UPP2: variants seen among roughly 807,000 people sequenced by gnomAD.
UPP2 encodes the protein uridine phosphorylase 2.
A neutral mutation model predicts 26.7 loss-of-function variants in UPP2; 23 were observed. The observed-to-expected ratio is 0.86, with a 90% CI of 0.62 to 1.22. The LOEUF is 1.22. Ranked by LOEUF, UPP2 falls within the 50% of genes most tolerant of loss-of-function variation. The probability of loss-of-function intolerance (pLI) is 0.00; values close to 1 mark genes in which losing one functional copy is unlikely to be tolerated. For missense variants in UPP2, 387 were observed against 396.7 expected (o/e 0.98, Z 0.21); for synonymous variants, 127 against 141.3 (o/e 0.90, Z 0.72).
intron 3 of UPP2, among the ~76,000 whole-genome samples, chr2:158,079,938 C>T (rs986353363): frequency 6.6e-6 from 1 of 152,176 alleles, no homozygotes; most frequent in African/African-American, 2.4e-5. Flanking sequence ...CCAAGCCATT[C>T]AGCGTAATCA....
At chr2:158,093,271 TAC>T (rs57028617) in intron 3 of UPP2, among the ~76,000 whole-genome samples, 33,849 of 137,210 alleles carry the variant, frequency 0.25, 4,565 homozygotes, top group East Asian at 0.45. Flanking sequence ...AAAAGAAACA[TAC>T]ACACACACAC....
chr2:158,128,178 T>G, intron 6 of UPP2: 1 of 229,674 alleles, frequency 4.4e-6, no homozygotes, highest in Non-Finnish European at 7.2e-6. Context: ...TTTGCAGCAC[T>G]CACAGTGGCT....
chr2:158,018,675 G>A (rs1683698450), intron 3 of UPP2, among the ~76,000 whole-genome samples: 1 of 152,172 alleles, frequency 6.6e-6, no homozygotes, highest in Non-Finnish European at 1.5e-5. Flanking sequence ...GCCATGTTAG[G>A]TGAACAGGAA....
chr2:158,006,067 T>C (rs1018200636), intron 2 of UPP2, among the ~76,000 whole-genome samples: 1 of 152,188 alleles, frequency 6.6e-6, no homozygotes, highest in African/African-American at 2.4e-5. Context: ...TCTGGGCTGT[T>C]AGTCCTAAAG....
intron 3 of UPP2, among the ~76,000 whole-genome samples, chr2:158,080,780 A>G (rs1682712535): frequency 1.3e-5 from 2 of 152,148 alleles, no homozygotes; most frequent in African/African-American, 4.8e-5. Context: ...GTGGGAATGA[A>G]GAAGGGATTA....
At chr2:158,058,419 C>CTGTGTGTGTGTGTG (rs70990632) in intron 3 of UPP2, among the ~76,000 whole-genome samples, 2,367 of 136,432 alleles carry the variant, frequency 0.017, 94 homozygotes, top group African/African-American at 0.049. Flanking sequence ...TCCCCCCAAC[C>CTGTGTGTGTGTGTG]TGTGTGTGTG....
chr2:158,073,818 T>C lies in UPP2; in HGVS notation c.148-28222T>C, dbSNP rs553833395. On this transcript the variant is annotated intron_variant, in intron 3 of 9. Transcript: ENST00000605860. ...AGGGATTTTATCAACACCAGATCTT[T>C]CCTACAGCAAATGCTAAAGGGAGTT... Among the ~76,000 whole-genome samples the C allele has an allele frequency of 1.4e-4, 21 of 152,330 alleles. No individual in the cohort carries two copies. In the South Asian group the frequency reaches 4.4e-3, roughly 32 times the overall value.
At chr2:158,115,296 A>G (rs1558936597) in intron 3 of UPP2, 37 bp downstream of exon 3, 2 of 1,534,150 alleles carry the variant, frequency 1.3e-6, no homozygotes. Context: ...TAGTCATTGC[A>G]GGCTAGAGAA....
At chr2:158,088,454 A>G (rs1056511328) in intron 3 of UPP2, among the ~76,000 whole-genome samples, 1 of 152,218 alleles carries the variant, frequency 6.6e-6, no homozygotes, top group Non-Finnish European at 1.5e-5. Flanking sequence ...TTAGCTTAAT[A>G]GTTGACTTTC....
intron 5 of UPP2, among the ~76,000 whole-genome samples, chr2:158,123,122 A>G (rs1014302236): frequency 6.6e-6 from 1 of 152,142 alleles, no homozygotes; most frequent in African/African-American, 2.4e-5. Context: ...AGGAGTAATG[A>G]CATCAAGGTT....
intron 3 of UPP2, among the ~76,000 whole-genome samples, chr2:158,034,572 G>C (rs968939429): frequency 6.6e-6 from 1 of 152,228 alleles, no homozygotes; most frequent in African/African-American, 2.4e-5. Flanking sequence ...GCTTCCAAGA[G>C]GGGAGCTTGG....
chr2:158,111,608 A>G (rs1465325878), intron 2 of UPP2, among the ~76,000 whole-genome samples: 2 of 152,090 alleles, frequency 1.3e-5, no homozygotes, highest in Admixed American at 6.6e-5. Context: ...TTACCATTTT[A>G]TATTTGATTT....
chr2:158,093,333 G>A (rs1682939949), intron 3 of UPP2, among the ~76,000 whole-genome samples: 1 of 148,848 alleles, frequency 6.7e-6, no homozygotes, highest in African/African-American at 2.5e-5. Flanking sequence ...GAAGAAAGGA[G>A]TAAAAATATA....
intron 2 of UPP2, among the ~76,000 whole-genome samples, chr2:158,012,263 CTTTTTTTT>C (rs34807293): frequency 2.5e-5 from 2 of 81,632 alleles, no homozygotes; most frequent in African/African-American, 4.1e-5. Flanking sequence ...TTGTTTCTAC[CTTTTTTTT>C]TTTTTTTTTT....
chr2:158,131,415 A>G (rs1477862567), intron 6 of UPP2, among the ~76,000 whole-genome samples: 2 of 152,102 alleles, frequency 1.3e-5, no homozygotes, highest in African/African-American at 2.4e-5. Context: ...CTAAGGATTC[A>G]TGAGTGAATT....
At chr2:158,029,795 C>CTTT (rs565905140) in intron 3 of UPP2, among the ~76,000 whole-genome samples, 9 of 132,504 alleles carry the variant, frequency 6.8e-5, no homozygotes, top group African/African-American at 2.5e-4. Context: ...CATCTCGTTT[C>CTTT]TTTTTTTTTT....
At chr2:158,072,293 G>A (rs906089769) in intron 3 of UPP2, among the ~76,000 whole-genome samples, 3 of 152,144 alleles carry the variant, frequency 2.0e-5, no homozygotes, top group Admixed American at 6.5e-5. Flanking sequence ...TGTGGTTTGA[G>A]GGCCAGCTTA....
At chr2:158,002,547 G>A (rs1373756004) in intron 2 of UPP2, among the ~76,000 whole-genome samples, 1 of 152,264 alleles carries the variant, frequency 6.6e-6, no homozygotes, top group Non-Finnish European at 1.5e-5. Flanking sequence ...CAAGAGCTTT[G>A]CTGGGCCATT....
chr2:157,999,185 GTTA>G (rs1683367657), intron 2 of UPP2, among the ~76,000 whole-genome samples: 1 of 151,464 alleles, frequency 6.6e-6, no homozygotes, highest in African/African-American at 2.4e-5. Flanking sequence ...TGTTGTTGTT[GTTA>G]TTGTTGTTGA....
Sources: allele counts gnomAD v4.1 joint callset (sites outside exome capture counted in the v4.1 genomes callset), GRCh38; gene constraint gnomAD v4.1.1; transcripts MANE v1.5; gene names NCBI Gene and HGNC (gene_info 2026-07-23, HGNC 2026-07-21).